DRC10: variants seen among roughly 807,000 people sequenced by gnomAD.
DRC10 encodes the protein dynein regulatory complex subunit 10.
At chr12:113,208,180 C>G in the DRC10 span, 1 of 1,599,908 alleles carries the variant, frequency 6.3e-7, no homozygotes, top group East Asian at 2.2e-5. Flanking sequence ...GTGAGCAGCC[C>G]TCTGTGCCTC....
chr12:113,200,501 TC>T, the DRC10 span: 1 of 1,116,860 alleles, frequency 9.0e-7, no homozygotes, highest in Non-Finnish European at 1.3e-6. Flanking sequence ...CTGCTGGACC[TC>T]CAGGAGTGAT....
At chr12:113,195,611 C>T in the DRC10 span, 5 of 1,609,014 alleles carry the variant, frequency 3.1e-6, no homozygotes, top group Non-Finnish European at 4.2e-6. Flanking sequence ...TGCCTTTCTG[C>T]TTGCCCTTCT....
chr12:113,212,060 A>C, the DRC10 span, among the ~76,000 whole-genome samples: 2 of 146,366 alleles, frequency 1.4e-5, no homozygotes, highest in African/African-American at 5.0e-5. Context: ...GCGAGATCCT[A>C]TCTCTCCTCT....
the DRC10 span, among the ~76,000 whole-genome samples, chr12:113,217,220 AG>A: frequency 6.6e-6 from 1 of 152,156 alleles, no homozygotes; most frequent in Non-Finnish European, 1.5e-5. Context: ...CTCATTCTTT[AG>A]GTCTTAGCTC....
chr12:113,195,467 A>G, the DRC10 span: 7 of 1,433,598 alleles, frequency 4.9e-6, no homozygotes, highest in East Asian at 2.5e-5. Context: ...ATACTTTTTA[A>G]TTTATTAAAT....
the DRC10 span, among the ~76,000 whole-genome samples, chr12:113,196,237 G>A: frequency 6.6e-6 from 1 of 152,094 alleles, no homozygotes; most frequent in East Asian, 1.9e-4. Context: ...CCGAAGCCAG[G>A]GGCTGTTTCT....
the DRC10 span, among the ~76,000 whole-genome samples, chr12:113,196,675 GC>G: frequency 6.6e-6 from 1 of 152,180 alleles, no homozygotes; most frequent in Non-Finnish European, 1.5e-5. Flanking sequence ...CCTGGCTTTG[GC>G]TCACTCCAGC....
the DRC10 span, among the ~76,000 whole-genome samples, chr12:113,205,063 T>G: frequency 6.6e-6 from 1 of 152,064 alleles, no homozygotes; most frequent in African/African-American, 2.4e-5. Context: ...CCTGTAACAC[T>G]CCCTTTGAGA....
chr12:113,206,156 T>C, the DRC10 span: 2 of 150,624 alleles, frequency 1.3e-5, no homozygotes, highest in Non-Finnish European at 2.9e-5. Flanking sequence ...GAGGCGGAGC[T>C]TGCAGTGAGC....
At chr12:113,205,055 T>A in the DRC10 span, among the ~76,000 whole-genome samples, 1 of 152,162 alleles carries the variant, frequency 6.6e-6, no homozygotes, top group East Asian at 1.9e-4. Context: ...TAAGTTCTCC[T>A]GTAACACTCC....
At chr12:113,201,823 G>A in the DRC10 span, among the ~76,000 whole-genome samples, 1 of 152,238 alleles carries the variant, frequency 6.6e-6, no homozygotes, top group African/African-American at 2.4e-5. Flanking sequence ...GGGAGGCAGT[G>A]CCTTTGGGGC....
chr12:113,214,754 C>T, the DRC10 span, among the ~76,000 whole-genome samples: 2 of 152,060 alleles, frequency 1.3e-5, no homozygotes, highest in East Asian at 1.9e-4. Flanking sequence ...TCCCTTTACT[C>T]AGGGCTTGGA....
the DRC10 span, chr12:113,208,020 G>A: frequency 5.6e-6 from 9 of 1,614,178 alleles, no homozygotes; most frequent in Admixed American, 1.5e-4. Context: ...TGATCCTTTT[G>A]GCCTCAATGG....
At chr12:113,208,465 G>A in the DRC10 span, 5 of 653,022 alleles carry the variant, frequency 7.7e-6, no homozygotes, top group East Asian at 2.7e-4. Flanking sequence ...AGGCATCTCA[G>A]GCACATGTGT....
the DRC10 span, among the ~76,000 whole-genome samples, chr12:113,220,671 T>C: frequency 6.6e-6 from 1 of 152,126 alleles, no homozygotes; most frequent in African/African-American, 2.4e-5. Flanking sequence ...AGGGGACTTA[T>C]AAACTCCCCT....
the DRC10 span, among the ~76,000 whole-genome samples, chr12:113,210,864 A>C: frequency 6.6e-6 from 1 of 152,146 alleles, no homozygotes; most frequent in African/African-American, 2.4e-5. Context: ...GTAAGTTACT[A>C]CTTACAGGTT....
chr12:113,201,292 C>T, the DRC10 span, among the ~76,000 whole-genome samples: 4 of 152,232 alleles, frequency 2.6e-5, no homozygotes, highest in African/African-American at 9.6e-5. Context: ...TGATTACAGA[C>T]AAGACAACTG....
chr12:113,207,888 C>T, the DRC10 span: 1 of 1,614,196 alleles, frequency 6.2e-7, no homozygotes, highest in Non-Finnish European at 8.5e-7. Context: ...GATCCTCATG[C>T]TCTCTCACTG....
the DRC10 span, among the ~76,000 whole-genome samples, chr12:113,216,675 T>G: frequency 1.3e-5 from 2 of 152,168 alleles, no homozygotes; most frequent in African/African-American, 4.8e-5. Context: ...TCTCTCAATT[T>G]TGCTGTGAAT....
Sources: allele counts gnomAD v4.1 joint callset (sites outside exome capture counted in the v4.1 genomes callset), GRCh38; gene constraint gnomAD v4.1.1; transcripts MANE v1.5; gene names NCBI Gene and HGNC (gene_info 2026-07-23, HGNC 2026-07-21).